The following TCF4 variants were observed in gnomAD, a reference collection of about 807,000 sequenced individuals.
TCF4 encodes the protein SL3-3 enhancer factor 2.
A neutral mutation model predicts 82.1 loss-of-function variants in TCF4; 3 were observed. That is an observed-to-expected ratio of 0.04 (90% CI 0.02 to 0.09). The LOEUF (loss-of-function observed/expected upper bound fraction) is 0.09, where lower values mean the gene tolerates loss of function less well. TCF4 is among the 10% of genes least tolerant of loss of function. The probability of loss-of-function intolerance (pLI) is 1.00; values close to 1 mark genes in which losing one functional copy is unlikely to be tolerated. For missense variants in TCF4, 518 were observed against 852.7 expected (o/e 0.61, Z 4.89); for synonymous variants, 276 against 309.6 (o/e 0.89, Z 1.14).
At position 55,408,824 on chromosome 18, in the gene TCF4, A is replaced by G. The variant is rs901488190; in HGVS notation, c.305-5306T>C. On this transcript the variant is annotated intron_variant, in intron 5 of 19. Transcript: ENST00000354452. ...CTGCTGGTGTTTAAACTCTGGGGGA[A>G]AAAAAAAAAAGTATAAATAAACTAG... 1.6e-3 allele frequency among the ~76,000 whole-genome samples: 114 copies of G among 73,432 alleles called. 1 individual carries two copies. The highest frequency in any genetic ancestry group is 6.4e-3 in the African/African-American group (101 of 15,778). The allele number at this position is 73,432 out of a possible 152,430, so 48.2% of individuals were successfully genotyped here.
chr18:55,494,579 G>A (rs1289140992), intron 3 of TCF4, among the ~76,000 whole-genome samples: 3 of 152,070 alleles, frequency 2.0e-5, no homozygotes, highest in African/African-American at 7.2e-5. Flanking sequence ...TACAATCACA[G>A]ACATTTTTCA....
intron 8 of TCF4, chr18:55,321,800 C>T (rs2075559632): frequency 6.6e-7 from 1 of 1,510,050 alleles, no homozygotes; most frequent in Non-Finnish European, 8.9e-7. Flanking sequence ...AACTCGCTGT[C>T]CCTTTTTTCA....
chr18:55,435,719 G>A (rs573355100), intron 5 of TCF4, among the ~76,000 whole-genome samples: 2 of 152,158 alleles, frequency 1.3e-5, no homozygotes, highest in South Asian at 4.2e-4. Context: ...ACTCAAACAC[G>A]CCTCCATCCA....
chr18:55,271,198 CT>C (rs574403026), intron 10 of TCF4, among the ~76,000 whole-genome samples: 14 of 152,078 alleles, frequency 9.2e-5, no homozygotes, highest in Non-Finnish European at 1.9e-4. Flanking sequence ...TCCACCATCT[CT>C]TCTCTCTAGG....
Position 55,237,250 on chromosome 18 carries a change from T to C in TCF4, c.1351-2567A>G, listed in dbSNP as rs1037180463. On this transcript the variant is annotated intron_variant, in intron 15 of 19. Coordinates refer to ENST00000354452, the MANE Select transcript of TCF4 (RefSeq NM_001083962.2). ...CTTCAGTTACGGTGATCTTTGTCTC[T>C]ATTTTGTTAAAATCCATTTAATTTT... Among the ~76,000 whole-genome samples the C allele has an allele frequency of 1.3e-5, 2 of 152,208 alleles. 1 individual carries two copies.
At chr18:55,363,041 C>A (rs369630881) in intron 6 of TCF4, among the ~76,000 whole-genome samples, 1 of 151,912 alleles carries the variant, frequency 6.6e-6, no homozygotes, top group Non-Finnish European at 1.5e-5. Flanking sequence ...GACTTTAATG[C>A]AAATTCAAAC....
At chr18:55,573,045 C>T (rs2097490032) in intron 3 of TCF4, among the ~76,000 whole-genome samples, 1 of 151,628 alleles carries the variant, frequency 6.6e-6, no homozygotes, top group African/African-American at 2.4e-5. Flanking sequence ...GAGAGCTTAA[C>T]TCCGTCTCAA....
At chr18:55,510,966 CT>C (rs2096821967) in intron 3 of TCF4, among the ~76,000 whole-genome samples, 1 of 152,154 alleles carries the variant, frequency 6.6e-6, no homozygotes, top group South Asian at 2.1e-4. Context: ...GGGAATCCCA[CT>C]GCAATAAGCA....
At chr18:55,425,771 C>T (rs894899075) in intron 5 of TCF4, among the ~76,000 whole-genome samples, 2 of 152,164 alleles carry the variant, frequency 1.3e-5, no homozygotes, top group Non-Finnish European at 2.9e-5. Context: ...ATCTCCTCCC[C>T]CTTCCAATAT....
At chr18:55,337,620 A>G (rs1365031030) in intron 8 of TCF4, among the ~76,000 whole-genome samples, 1 of 152,184 alleles carries the variant, frequency 6.6e-6, no homozygotes, top group East Asian at 1.9e-4. Flanking sequence ...TTAGTCCTAC[A>G]TTTTCCAGAC....
At chr18:55,366,316 T>C (rs2087113033) in intron 6 of TCF4, among the ~76,000 whole-genome samples, 2 of 152,230 alleles carry the variant, frequency 1.3e-5, no homozygotes, top group Non-Finnish European at 2.9e-5. Context: ...TACGTATCTA[T>C]AATTTTTGTT....
chr18:55,331,194 G>C (rs1316529140), intron 8 of TCF4, among the ~76,000 whole-genome samples: 2 of 152,044 alleles, frequency 1.3e-5, no homozygotes, highest in Non-Finnish European at 2.9e-5. Flanking sequence ...TCAGGGAAGA[G>C]ACAGACAGAA....
At chr18:55,328,965 C>G (rs114271498) in intron 8 of TCF4, among the ~76,000 whole-genome samples, 5,195 of 152,122 alleles carry the variant, frequency 0.034, 125 homozygotes, top group African/African-American at 0.043. Context: ...TACCTTTGTT[C>G]TTTCACATCA....
At chr18:55,487,016 C>T (rs2096525151) in intron 3 of TCF4, among the ~76,000 whole-genome samples, 1 of 152,168 alleles carries the variant, frequency 6.6e-6, no homozygotes, top group Non-Finnish European at 1.5e-5. Flanking sequence ...CTTCTCCATA[C>T]AAAAATCTTC....
At chr18:55,580,601 T>C (rs1234631202) in intron 3 of TCF4, among the ~76,000 whole-genome samples, 1 of 151,956 alleles carries the variant, frequency 6.6e-6, no homozygotes, top group Non-Finnish European at 1.5e-5. Context: ...GCGGGAAAAA[T>C]AATGGATATG....
chr18:55,597,731 A>C (rs1246336155), intron 2 of TCF4, among the ~76,000 whole-genome samples: 1 of 152,128 alleles, frequency 6.6e-6, no homozygotes, highest in Non-Finnish European at 1.5e-5. Context: ...AAATTTTGGA[A>C]AACAGATAAT....
chr18:55,476,854 C>G (rs2096300498), intron 3 of TCF4, among the ~76,000 whole-genome samples: 1 of 152,224 alleles, frequency 6.6e-6, no homozygotes, highest in Non-Finnish European at 1.5e-5. Flanking sequence ...CCTCACAATT[C>G]CACTTCAGCC....
At chr18:55,583,337 GTATGTGTA>G (rs1235269078) in intron 3 of TCF4, among the ~76,000 whole-genome samples, 2 of 151,980 alleles carry the variant, frequency 1.3e-5, no homozygotes, top group African/African-American at 4.8e-5. Flanking sequence ...ACATATGTGT[GTATGTGTA>G]TGTGTGTATG....
chr18:55,512,103 A>C (rs1193354058), intron 3 of TCF4, among the ~76,000 whole-genome samples: 1 of 152,158 alleles, frequency 6.6e-6, no homozygotes, highest in African/African-American at 2.4e-5. Context: ...AATAAGATAA[A>C]AATAATACAA....
Sources: gnomAD v4.1 joint callset for allele counts (sites outside exome capture counted in the v4.1 genomes callset) on GRCh38, gnomAD v4.1.1 for gene constraint, MANE v1.5 for transcripts, NCBI Gene and HGNC (gene_info 2026-07-23, HGNC 2026-07-21) for gene names.